Variants in IGFLR1 observed in about 807,000 individuals in gnomAD.
IGFLR1 encodes the protein IGF-like family receptor 1.
In IGFLR1, 17 loss-of-function variants were observed where a neutral mutation model predicts 23.4. The observed-to-expected ratio is 0.73, with a 90% CI of 0.50 to 1.09. The LOEUF (loss-of-function observed/expected upper bound fraction) is 1.09. IGFLR1 is among the 50% of genes least tolerant of loss of function. IGFLR1 has a pLI of 0.00. For synonymous variants in IGFLR1, 265 were observed against 210.7 expected, an observed-to-expected ratio of 1.26 and a Z score of -2.23; for missense variants, 556 against 459.2, an observed-to-expected ratio of 1.21 and a Z score of -1.93.
In IGFLR1 at chr19:35,740,087, C is replaced by A; in HGVS notation, c.344G>T (p.Arg115Met). 1 of 1,609,896 alleles carries A rather than the reference C, an allele frequency of 6.2e-7. No homozygotes were observed. The highest frequency in any genetic ancestry group is 8.5e-7 in the Non-Finnish European group (1 of 1,178,800). ...GCAGTGCCCCTTGGCAGGGACCGGC[C>A]TCTGGGGATAAGGGGTTGGAGTAAA... is the stretch of plus-strand genomic sequence containing the variant. The part of the protein sequence containing the change: ...GGRTPWRCRE[R>M]PVPAKGHCPL... The change falls in exon 4 of 5, where the codon AGG (arginine) becomes ATG (methionine). Residue 115 changes from arginine to methionine, a missense_variant and splice_region_variant. Arg to Met is a moderately conservative substitution (Grantham distance 91, BLOSUM62 -1). Transcript: ENST00000246532.
intron 3 of IGFLR1, 115 bp from the exon 4 acceptor site, chr19:35,740,203 A>AT: frequency 7.2e-7 from 1 of 1,394,852 alleles, no homozygotes; most frequent in South Asian, 1.5e-5. Flanking sequence ...ACGGTATCTG[A>AT]TAAGGTAGTT....
chr19:35,741,087 A>C lies in IGFLR1; in HGVS notation c.94T>G (p.Trp32Gly). ...CTGCAGCACTTGTTGTCTGGGTTCC[A>C]GTATTCAAGGCGGCCGCAGTACTGG... ...ASQYCGRLEY[W>G]NPDNKCCSSC... is the part of the protein sequence containing the mutation. Residue 32 changes from tryptophan (W) to glycine (G), a missense_variant, in exon 2 of 5, where the codon TGG becomes GGG. Coordinates refer to ENST00000246532, the MANE Select transcript of IGFLR1 (RefSeq NM_024660.4). 1.2e-6 allele frequency: 2 copies of C among 1,606,760 alleles called. No homozygotes were observed. The highest frequency in any genetic ancestry group is 1.7e-6 in the Non-Finnish European group (2 of 1,175,470).
In IGFLR1 at chr19:35,739,029, C is replaced by T. The variant is rs990367114; in HGVS notation, c.*251G>A. 1.8e-6 allele frequency: 1 copy of T among 543,672 alleles called. No homozygotes were observed. Among genetic ancestry groups the T allele is most frequent in the African/African-American group, 1.9e-5 (1 of 52,876 alleles). 33.7% of individuals were successfully genotyped at this position (543,672 alleles called of 1,614,324 possible). ...AAGTCAGTCATGGGGTCTGTTACGG[C>T]TTCAGAACAACACAACACAGCAACT... On this transcript the variant is annotated 3_prime_UTR_variant, in exon 5 of 5. Transcript: ENST00000246532.
At chr19:35,741,271 G>A (rs1970217684) in intron 1 of IGFLR1, 48 bp from the exon 2 acceptor site, 2 of 1,543,028 alleles carry the variant, frequency 1.3e-6, no homozygotes, top group Non-Finnish European at 1.7e-6. Context: ...CGGTGATGTG[G>A]GGGAACAGAA....
Position 35,742,393 on chromosome 19 carries a change from T to A in IGFLR1, c.-44+3A>T. The A allele has an allele frequency of 6.5e-7, 1 of 1,529,492 alleles. No individual in the cohort carries two copies. The highest frequency in any genetic ancestry group is 8.7e-7 in the Non-Finnish European group (1 of 1,143,120). The allele number at this position is 1,529,492 out of a possible 1,614,324, so 94.7% of individuals were successfully genotyped here. On this transcript the variant is annotated splice_donor_region_variant and intron_variant, in intron 1 of 4. Transcript: ENST00000246532. ...CACAAAGGTGTCCCCACCCTACCAG[T>A]ACCGTTAGGGTCCTGGGTCCCAAGC... is the stretch of plus-strand genomic sequence containing the variant.
Position 35,739,612 on chromosome 19 carries a change from C to G in IGFLR1, c.736G>C (p.Ala246Pro). ...PLLSRELSSLASQPLSRLLDE... is the reference protein window; with the variant it reads ...PLLSRELSSLPSQPLSRLLDE... ...AGGAGGCGAGACAGGGGTTGTGACG[C>G]CAGACTGGACAGTTCTGGAAGAAAG... is the stretch of plus-strand genomic sequence containing the variant. The change falls in exon 5 of 5, where the codon GCG (alanine) becomes CCG (proline). Residue 246 changes from alanine to proline, a missense_variant. Coordinates refer to ENST00000246532, the MANE Select transcript of IGFLR1 (RefSeq NM_024660.4). The G allele has an allele frequency of 1.2e-6, 2 of 1,611,616 alleles. No homozygotes were observed. Among genetic ancestry groups the G allele is most frequent in the Non-Finnish European group, 1.7e-6 (2 of 1,178,146 alleles).
At chr19:35,740,959 G>A in intron 2 of IGFLR1, 65 bp downstream of exon 2, 2 of 1,506,796 alleles carry the variant, frequency 1.3e-6, no homozygotes, top group Non-Finnish European at 9.1e-7. Context: ...CACAGACCTC[G>A]CCCCTTCCCC....
Position 35,739,746 on chromosome 19 carries a change from A to G in IGFLR1, c.685T>C (p.Trp229Arg). ...SPGALETGDT[W>R]KEASLLPLLS... The stretch of plus-strand genomic sequence containing the variant: ...AGTGGAAGTAGTGAGGCCTCCTTCC[A>G]TGTGTCCCCTGTCTCCAGGGCGCCT... The change falls in exon 4 of 5, where the codon TGG (tryptophan) becomes CGG (arginine). Residue 229 changes from tryptophan to arginine, a missense_variant. By Grantham distance (101) the Trp-to-Arg change is moderately radical. Transcript: ENST00000246532. 6.4e-7 allele frequency: 1 copy of G among 1,553,082 alleles called. No individual in the cohort carries two copies. Among genetic ancestry groups the G allele is most frequent in the Non-Finnish European group, 8.7e-7 (1 of 1,146,742 alleles).
chr19:35,741,267 T>A (rs937208940), intron 1 of IGFLR1, 44 bp from the exon 2 acceptor site: 7 of 1,550,094 alleles, frequency 4.5e-6, no homozygotes, highest in Non-Finnish European at 6.1e-6. Flanking sequence ...GACGCGGTGA[T>A]GTGGGGGAAC....
At chr19:35,740,688 G>T (rs1281994966) in intron 2 of IGFLR1, 124 bp from the exon 3 acceptor site, 12 of 926,164 alleles carry the variant, frequency 1.3e-5, no homozygotes, top group Middle Eastern at 3.3e-4. Flanking sequence ...ATTAGCGTGC[G>T]CCCCGGTCTT....
Position 35,739,386 on chromosome 19 carries a change from G to A in IGFLR1, c.962C>T (p.Pro321Leu). Residue 321 changes from proline (P) to leucine (L), a missense_variant, in exon 5 of 5, where the codon CCC becomes CTC. Pro to Leu is a moderately conservative substitution (Grantham distance 98, BLOSUM62 -3). Transcript: ENST00000246532. ...ALIEMVVARE[P>L]SASLGQLGTH... is the part of the protein sequence containing the mutation. ...GCCAAGCTGGCCCAGGGAGGCAGAG[G>A]GCTCCCTTGCCACCACCATCTCAAT... 1 of 1,613,186 alleles carries A rather than the reference G, an allele frequency of 6.2e-7. No individual in the cohort carries two copies. The highest frequency in any genetic ancestry group is 8.5e-7 in the Non-Finnish European group (1 of 1,179,772).
chr19:35,739,247 G>T lies in IGFLR1; in HGVS notation c.*33C>A, dbSNP rs760010606. 6.7e-7 allele frequency: 1 copy of T among 1,494,166 alleles called. No individual in the cohort carries two copies. The highest frequency in any genetic ancestry group is 9.0e-7 in the Non-Finnish European group (1 of 1,109,526). 92.6% of individuals were successfully genotyped at this position (1,494,166 alleles called of 1,614,324 possible). On this transcript the variant is annotated 3_prime_UTR_variant, in exon 5 of 5. Transcript: ENST00000246532. The stretch of plus-strand genomic sequence containing the variant: ...GTACTTCAGTGCTAATTGTATACTG[G>T]GCTTAGTAGTCAGCAAAGTTCTTTA...
Position 35,739,001 on chromosome 19 carries a change from TAG to T in IGFLR1, c.*277_*278del. 2.0e-6 allele frequency: 1 copy of T among 494,690 alleles called. No individual in the cohort carries two copies. Among genetic ancestry groups the T allele is most frequent in the Non-Finnish European group, 3.6e-6 (1 of 279,126 alleles). The allele number at this position is 494,690 out of a possible 1,614,324, so 30.6% of individuals were successfully genotyped here. Reference sequence around the variant, plus strand: ...GGTAGGTGAGGCCATCATTCAGAATTAGAAGTCAGTCATGGGGTCTGTTACGG... The same window carrying T: ...GGTAGGTGAGGCCATCATTCAGAATTAAGTCAGTCATGGGGTCTGTTACGG... On this transcript the variant is annotated 3_prime_UTR_variant, in exon 5 of 5. Coordinates refer to ENST00000246532, the MANE Select transcript of IGFLR1 (RefSeq NM_024660.4).
At position 35,739,039 on chromosome 19, in the gene IGFLR1, A is replaced by C. The variant is rs974889814; in HGVS notation, c.*241T>G. 5.4e-6 allele frequency: 3 copies of C among 560,360 alleles called. No individual in the cohort carries two copies. The highest frequency in any genetic ancestry group is 9.4e-6 in the Non-Finnish European group (3 of 317,632). 34.7% of individuals were successfully genotyped at this position (560,360 alleles called of 1,614,324 possible). A position where few individuals can be genotyped will look rare whatever the true frequency, so the allele number is the denominator to read the frequency against. On this transcript the variant is annotated 3_prime_UTR_variant, in exon 5 of 5. Transcript: ENST00000246532. ...TGGGGTCTGTTACGGCTTCAGAACA[A>C]CACAACACAGCAACTGTCTGTAGCA...
rs944133312 is a variant in IGFLR1 at position 35,739,067 on chromosome 19, G to A, written c.*213C>T. ...CAACACAGCAACTGTCTGTAGCAGG[G>A]TTGTTTCCCAGAGGGGATTCTGGTG... On this transcript the variant is annotated 3_prime_UTR_variant, in exon 5 of 5. Transcript: ENST00000246532. The A allele has an allele frequency of 3.4e-6, 2 of 581,858 alleles. No individual in the cohort carries two copies. The highest frequency in any genetic ancestry group is 3.2e-5 in the Admixed American group (1 of 31,616). The allele number at this position is 581,858 out of a possible 1,614,324, so 36.0% of individuals were successfully genotyped here.
Position 35,739,277 on chromosome 19 carries a change from GTGT to G in IGFLR1, c.1068_*2del. On this transcript the variant is annotated stop_lost and 3_prime_UTR_variant, in exon 5 of 5. Transcript: ENST00000246532. The stretch of plus-strand genomic sequence containing the variant: ...AGTAGTCAGCAAAGTTCTTTATTGG[GTGT>G]TAAGCCCAGCAAACCCCAGATGAGC... The G allele has an allele frequency of 6.3e-7, 1 of 1,575,504 alleles. No individual in the cohort carries two copies. Among genetic ancestry groups the G allele is most frequent in the South Asian group, 1.1e-5 (1 of 87,048 alleles).
At position 35,739,220 on chromosome 19, in the gene IGFLR1, A is replaced by G; in HGVS notation, c.*60T>C. On this transcript the variant is annotated 3_prime_UTR_variant, in exon 5 of 5. Coordinates refer to ENST00000246532, the MANE Select transcript of IGFLR1 (RefSeq NM_024660.4). Reference sequence around the variant, plus strand: ...TGCCCAATTAGGATTGTACTTCAAGAAGTACTTCAGTGCTAATTGTATACT... The same window carrying G: ...TGCCCAATTAGGATTGTACTTCAAGGAGTACTTCAGTGCTAATTGTATACT... 1 of 1,391,222 alleles carries G rather than the reference A, an allele frequency of 7.2e-7. No individual in the cohort carries two copies. The highest frequency in any genetic ancestry group is 9.7e-7 in the Non-Finnish European group (1 of 1,033,752). The allele number at this position is 1,391,222 out of a possible 1,614,324, so 86.2% of individuals were successfully genotyped here.
intron 1 of IGFLR1, among the ~76,000 whole-genome samples, chr19:35,742,121 C>CAAAAAG (rs1970282682): frequency 6.6e-6 from 1 of 152,116 alleles, no homozygotes; most frequent in African/African-American, 2.4e-5. Context: ...AAAACAAAAA[C>CAAAAAG]AAACTAAAGT....
chr19:35,740,424 T>C lies in IGFLR1; in HGVS notation c.298A>G (p.Thr100Ala), dbSNP rs1353446350. Residue 100 changes from threonine to alanine, a missense_variant, in exon 3 of 5, where the codon ACT becomes GCT. Transcript: ENST00000246532. Reference protein sequence around the residue: ...SPCGGGAVTPTPAAGGGRTPW... With the variant: ...SPCGGGAVTPAPAAGGGRTPW... ...GTTCTGCCCCCGCCCGCGGCGGGAG[T>C]AGGGGTCACGGCTCCGCCGCCGCAG... is the stretch of plus-strand genomic sequence containing the variant. 2 of 1,609,686 alleles carry C rather than the reference T, an allele frequency of 1.2e-6. No individual in the cohort carries two copies. The highest frequency in any genetic ancestry group is 2.2e-5 in the East Asian group (1 of 44,730).
Sources: allele counts gnomAD v4.1 joint callset (sites outside exome capture counted in the v4.1 genomes callset), GRCh38; gene constraint gnomAD v4.1.1; transcripts MANE v1.5; gene names NCBI Gene and HGNC (gene_info 2026-07-23, HGNC 2026-07-21).